The following NFIC variants were observed in gnomAD, a reference collection of about 807,000 sequenced individuals.
The protein encoded by NFIC is nuclear factor 1 C-type.
In NFIC, 12 loss-of-function variants were observed where a neutral mutation model predicts 54.4. The ratio of observed to expected loss-of-function variants is 0.22; its 90% CI spans 0.14 to 0.36. The LOEUF is 0.36. Among genes scored for constraint, NFIC ranks in the 10% least tolerant of loss-of-function variants. NFIC has a pLI of 1.00. For synonymous variants in NFIC, 322 were observed against 319.2 expected (o/e 1.01, Z -0.09); for missense variants, 575 against 718.2 (o/e 0.80, Z 2.28).
At chr19:3,387,808 T>A (rs1032287715) in intron 2 of NFIC, among the ~76,000 whole-genome samples, 4 of 138,794 alleles carry the variant, frequency 2.9e-5, no homozygotes, top group Admixed American at 2.1e-4. Context: ...CAGCCGGGGG[T>A]GGGGCGGGAG....
intron 2 of NFIC, among the ~76,000 whole-genome samples, chr19:3,414,101 A>G (rs934203460): frequency 2.0e-5 from 3 of 152,112 alleles, no homozygotes; most frequent in Non-Finnish European, 4.4e-5. Context: ...GAAAGAACTA[A>G]TGGCAACATA....
At chr19:3,448,812 G>A (rs1403809649) in intron 6 of NFIC, among the ~76,000 whole-genome samples, 2 of 152,134 alleles carry the variant, frequency 1.3e-5, no homozygotes, top group Non-Finnish European at 2.9e-5. Context: ...CGGCTGTGCC[G>A]CCCTGGCTAG....
At chr19:3,427,566 C>T (rs1007434956) in intron 3 of NFIC, among the ~76,000 whole-genome samples, 40 of 152,096 alleles carry the variant, frequency 2.6e-4, no homozygotes, top group African/African-American at 8.2e-4. Context: ...CGGTGGCTCA[C>T]GCCTGTAATC....
chr19:3,413,189 T>G (rs752128842), intron 2 of NFIC, among the ~76,000 whole-genome samples: 14 of 152,086 alleles, frequency 9.2e-5, no homozygotes, highest in Non-Finnish European at 2.1e-4. Flanking sequence ...CCTCAGGTGA[T>G]CTACTCACCT....
chr19:3,364,983 GAC>G (rs2080862826), upstream of NFIC, among the ~76,000 whole-genome samples: 1 of 152,160 alleles, frequency 6.6e-6, no homozygotes, highest in Non-Finnish European at 1.5e-5. Flanking sequence ...AAAATACACA[GAC>G]ACACACATTT....
At position 3,425,210 on chromosome 19, in the gene NFIC, G is replaced by A. The variant is rs533787449; in HGVS notation, c.634+33G>A. The stretch of plus-strand genomic sequence containing the variant: ...TGGGGGCAGCGTGGCGGTGAAGGGC[G>A]GAGGGCGCAGCCCTGTCCTCGTCTT... On this transcript the variant is annotated intron_variant, in intron 3 of 10. Transcript: ENST00000443272. 71 of 1,591,954 alleles carry A rather than the reference G, an allele frequency of 4.5e-5. 1 individual carries two copies. In the South Asian group the frequency reaches 4.8e-4, roughly 11 times the overall value.
At position 3,449,136 on chromosome 19, in the gene NFIC, A is replaced by G. The variant is rs1301088206; in HGVS notation, c.1081A>G (p.Ser361Gly). ...CCACCGGCCCGTCATCGCCGTGCAC[A>G]GCGGTAAGCGCCACGGGCCCCTGGC... ...QHHRPVIAVH[S>G]GIARSPHPSS... Residue 361 changes from serine to glycine, a missense_variant, in exon 7 of 11, where the codon AGC becomes GGC. This residue lies in a region of NFIC where 447 missense variants were observed against 526.9 expected (regional missense o/e 0.85). Transcript: ENST00000443272. The G allele has an allele frequency of 6.2e-7, 1 of 1,611,814 alleles. No homozygotes were observed. The highest frequency in any genetic ancestry group is 1.7e-5 in the Admixed American group (1 of 59,662).
chr19:3,381,647 G>T lies in NFIC; in HGVS notation c.31-65G>T, dbSNP rs2081210329. 5 of 1,558,142 alleles carry T rather than the reference G, an allele frequency of 3.2e-6. No individual in the cohort carries two copies. The African/African-American group carries it at 6.8e-5, about 21-fold the overall frequency. ...GGCCCCTCCGACCTCAGCCTTCGGGGCCGGGCAGTGGGTCCGCCCTCTGCG... is the reference window on the plus strand; with the variant it reads ...GGCCCCTCCGACCTCAGCCTTCGGGTCCGGGCAGTGGGTCCGCCCTCTGCG... On this transcript the variant is annotated intron_variant, in intron 1 of 10. Transcript: ENST00000443272.
Position 3,453,871 on chromosome 19 carries a change from C to T in NFIC, c.1378C>T (p.Pro460Ser), listed in dbSNP as rs1296484771. ...PRLALPPATK[P>S]ATTSEGGATS... ...GCTGGCGCTCCCCCCTGCCACCAAA[C>T]CCGCCACCACCTCCGAGGGAGGAGC... Residue 460 changes from proline (P) to serine (S), a missense_variant, in exon 9 of 11, where the codon CCC becomes TCC. Physicochemically the swap from Pro to Ser is moderately conservative, Grantham distance 74. Transcript: ENST00000443272. This position sits in a 1 kb window ranked among gnomAD's most constrained non-coding sequence, Gnocchi z 6.7. 1.9e-6 allele frequency: 3 copies of T among 1,562,982 alleles called. No homozygotes were observed. The highest frequency in any genetic ancestry group is 1.7e-6 in the Non-Finnish European group (2 of 1,155,770).
At chr19:3,439,258 C>T (rs911270465) in intron 6 of NFIC, among the ~76,000 whole-genome samples, 10 of 132,174 alleles carry the variant, frequency 7.6e-5, no homozygotes, top group Non-Finnish European at 1.2e-4. Flanking sequence ...TTGCTTAAGA[C>T]GGGAGGTCAA....
intron 10 of NFIC, chr19:3,457,800 C>T (rs73919192): frequency 0.052 from 7,952 of 152,158 alleles, 677 homozygotes; most frequent in African/African-American, 0.18. Flanking sequence ...CGGATGGGGG[C>T]GGGGAGGGGA....
Position 3,453,664 on chromosome 19 carries a change from C to G in NFIC, c.1270-99C>G. 2 of 1,451,186 alleles carry G rather than the reference C, an allele frequency of 1.4e-6. No homozygotes were observed. The highest frequency in any genetic ancestry group is 1.8e-6 in the Non-Finnish European group (2 of 1,102,888). 89.9% of individuals were successfully genotyped at this position (1,451,186 alleles called of 1,614,324 possible). On this transcript the variant is annotated intron_variant, in intron 8 of 10. Coordinates refer to ENST00000443272, the MANE Select transcript of NFIC (RefSeq NM_001245002.2). The surrounding 1 kb of genome is among the most constrained non-coding windows in gnomAD (Gnocchi z 6.7). ...GCGCCCTGGCCCCCCAGCCTGCCAC[C>G]CCGTCCGGGCCGTGCACAGAGCCGG...
chr19:3,392,875 G>A (rs950195246), intron 2 of NFIC, among the ~76,000 whole-genome samples: 2 of 152,228 alleles, frequency 1.3e-5, no homozygotes, highest in East Asian at 1.9e-4. Context: ...GGAGAGGGGC[G>A]AGGCATTGCC....
At chr19:3,429,895 C>G (rs1480732267) in intron 3 of NFIC, among the ~76,000 whole-genome samples, 1 of 152,180 alleles carries the variant, frequency 6.6e-6, no homozygotes, top group Non-Finnish European at 1.5e-5. Flanking sequence ...TCATCCCCAT[C>G]GGAGAAGCCA....
intron 2 of NFIC, among the ~76,000 whole-genome samples, chr19:3,395,533 G>A (rs1383161552): frequency 7.1e-6 from 1 of 141,070 alleles, no homozygotes; most frequent in African/African-American, 2.6e-5. Flanking sequence ...GTCTCACTAT[G>A]TTGCCCAGGC....
intron 2 of NFIC, among the ~76,000 whole-genome samples, chr19:3,405,041 A>AGGGCCCGGAGCC (rs2081623588): frequency 6.6e-6 from 1 of 152,274 alleles, no homozygotes; most frequent in Admixed American, 6.5e-5. Context: ...AGCGCCCGGG[A>AGGGCCCGGAGCC]GGGCCCGGAG....
chr19:3,456,693 G>A (rs887851309), intron 10 of NFIC, 58 bp downstream of exon 10: 28 of 1,343,036 alleles, frequency 2.1e-5, no homozygotes, highest in South Asian at 5.2e-5. Flanking sequence ...GGGCCGGCCC[G>A]GGGGGCTCAG....
intron 6 of NFIC, among the ~76,000 whole-genome samples, chr19:3,445,955 G>T (rs1306832305): frequency 2.4e-4 from 37 of 152,328 alleles, no homozygotes; most frequent in Non-Finnish European, 3.8e-4. Context: ...CCCCACTGAG[G>T]GGCGCTCTTG....
At chr19:3,363,257 A>G (rs1204643960), upstream of NFIC, among the ~76,000 whole-genome samples, 1 of 15,604 alleles carries the variant, frequency 6.4e-5, no homozygotes, top group Non-Finnish European at 1.3e-4. Context: ...ATATATATAT[A>G]TATATATATA....
Sources: gnomAD v4.1 joint callset for allele counts (sites outside exome capture counted in the v4.1 genomes callset) on GRCh38, gnomAD v4.1.1 for gene constraint, gnomAD v4.1.1 regional missense constraint, Gnocchi (gnomAD v3.1) non-coding constraint, MANE v1.5 for transcripts, NCBI Gene and HGNC (gene_info 2026-07-23, HGNC 2026-07-21) for gene names.